SULT2B1: variants seen among roughly 807,000 people sequenced by gnomAD.
SULT2B1 encodes sulfotransferase 2B1.
Under a neutral mutation model 33.2 loss-of-function variants are expected in SULT2B1, and 16 were observed. That is an observed-to-expected ratio of 0.48 (90% CI 0.33 to 0.73). SULT2B1 has a LOEUF of 0.73. Among genes scored for constraint, SULT2B1 ranks in the 30% least tolerant of loss-of-function variants. SULT2B1 has a pLI of 0.02. For synonymous variants in SULT2B1, 186 were observed against 200.5 expected, an observed-to-expected ratio of 0.93 and a Z score of 0.61; for missense variants, 500 against 506.0, an observed-to-expected ratio of 0.99 and a Z score of 0.11.
In SULT2B1 at chr19:48,557,164, A is replaced by G. The variant is rs117785575; in HGVS notation, c.71+4841A>G. Among the ~76,000 whole-genome samples the G allele has an allele frequency of 4.0e-3, 612 of 152,316 alleles. 1 individual carries two copies. Among genetic ancestry groups the G allele is most frequent in the Non-Finnish European group, 7.0e-3 (477 of 68,032 alleles). ...GCAGCTCAAGGGACGGGTAGATGCC[A>G]CAGGAAGGGGCCCAGAGATATCAGC... On this transcript the variant is annotated intron_variant, in intron 1 of 6. Transcript: ENST00000201586.
At chr19:48,592,968 G>A (rs1184270452) in intron 5 of SULT2B1, 152 bp downstream of exon 5, 2 of 672,374 alleles carry the variant, frequency 3.0e-6, no homozygotes, top group Non-Finnish European at 2.5e-6. Context: ...CAGAGGCCCT[G>A]AGCCTGTGAG....
In SULT2B1 at chr19:48,591,739, G is replaced by A. The variant is rs375012952; in HGVS notation, c.550+4G>A. 6.3e-6 allele frequency: 10 copies of A among 1,584,590 alleles called. No homozygotes were observed. Among genetic ancestry groups the A allele is most frequent in the Non-Finnish European group, 7.7e-6 (9 of 1,164,878 alleles). ...AGGGACTTCCTCAAAGGCGAAGGTG[G>A]GGACAGGGTAAAGCGGGGCAGGAGG... On this transcript the variant is annotated splice_donor_region_variant and intron_variant, in intron 4 of 6. Coordinates refer to ENST00000201586, the MANE Select transcript of SULT2B1 (RefSeq NM_177973.2).
At chr19:48,583,257 G>C (rs1601104633) in intron 2 of SULT2B1, among the ~76,000 whole-genome samples, 2 of 152,104 alleles carry the variant, frequency 1.3e-5, no homozygotes, top group South Asian at 4.1e-4. Context: ...GAATGGTACA[G>C]CTGCTATGGA....
In SULT2B1 at chr19:48,587,226, C is replaced by T. The variant is rs893577303; in HGVS notation, c.215-3C>T. On this transcript the variant is annotated splice_polypyrimidine_tract_variant and splice_region_variant and intron_variant, in intron 2 of 6. Coordinates refer to ENST00000201586, the MANE Select transcript of SULT2B1 (RefSeq NM_177973.2). ...AATTAATCTGCTCGATTTCTCCCAACAGGCACGACCTGGATGATCGAGATC... is the reference window on the plus strand; with the variant it reads ...AATTAATCTGCTCGATTTCTCCCAATAGGCACGACCTGGATGATCGAGATC... 6.2e-6 allele frequency: 10 copies of T among 1,603,778 alleles called. No homozygotes were observed. Among genetic ancestry groups the T allele is most frequent in the Non-Finnish European group, 6.0e-6 (7 of 1,173,866 alleles).
chr19:48,585,048 C>CAAAAAAA (rs57540837), intron 2 of SULT2B1, among the ~76,000 whole-genome samples: 1 of 62,246 alleles, frequency 1.6e-5, no homozygotes, highest in Non-Finnish European at 2.7e-5. Context: ...GACTCCTTCT[C>CAAAAAAA]AAAAAAAAAA....
chr19:48,589,034 G>A (rs915467878), intron 3 of SULT2B1, among the ~76,000 whole-genome samples: 1 of 152,240 alleles, frequency 6.6e-6, no homozygotes, highest in Non-Finnish European at 1.5e-5. Flanking sequence ...AGCAGAGGAG[G>A]AGCCCGAGCG....
At chr19:48,591,189 T>A (rs1973638246) in intron 3 of SULT2B1, 1 of 153,460 alleles carries the variant, frequency 6.5e-6, no homozygotes, top group Non-Finnish European at 1.5e-5. Flanking sequence ...TCAAGCAATT[T>A]CCAGAACCTC....
intron 2 of SULT2B1, among the ~76,000 whole-genome samples, chr19:48,576,359 C>CTTTTTTTTTTTTTTTTT (rs1188887401): frequency 4.1e-5 from 4 of 96,714 alleles, no homozygotes; most frequent in Admixed American, 1.3e-4. Flanking sequence ...CTCTACTTCT[C>CTTTTTTTTTTTTTTTTT]TTTTTTTTTT....
intron 6 of SULT2B1, among the ~76,000 whole-genome samples, chr19:48,597,455 T>A (rs1215187745): frequency 4.0e-5 from 6 of 150,718 alleles, no homozygotes; most frequent in African/African-American, 1.5e-4. Context: ...GTGATTCTCC[T>A]TCCTCAGCAT....
At chr19:48,588,386 C>A (rs1040331512) in intron 3 of SULT2B1, among the ~76,000 whole-genome samples, 1 of 151,560 alleles carries the variant, frequency 6.6e-6, no homozygotes, top group Non-Finnish European at 1.5e-5. Context: ...GTGGCACATG[C>A]CTGTAATCCC....
intron 3 of SULT2B1, among the ~76,000 whole-genome samples, chr19:48,588,235 A>G (rs1973592749): frequency 6.7e-6 from 1 of 148,154 alleles, no homozygotes; most frequent in Admixed American, 6.7e-5. Flanking sequence ...AATTACAGCC[A>G]GGCGCAGTGG....
intron 5 of SULT2B1, 43 bp downstream of exon 5, chr19:48,592,859 C>A: frequency 6.7e-7 from 1 of 1,499,588 alleles, no homozygotes; most frequent in Non-Finnish European, 9.1e-7. Flanking sequence ...CCCCCATACC[C>A]TCTGCTCACA....
intron 1 of SULT2B1, among the ~76,000 whole-genome samples, chr19:48,562,269 T>A (rs547488179): frequency 6.6e-6 from 1 of 152,004 alleles, no homozygotes; most frequent in Admixed American, 6.6e-5. Flanking sequence ...ATGCCTGTAA[T>A]CCCAGCTACT....
intron 3 of SULT2B1, 134 bp from the exon 4 acceptor site, chr19:48,591,472 CAAA>C: frequency 1.1e-6 from 1 of 912,058 alleles, no homozygotes; most frequent in Non-Finnish European, 1.5e-6. Context: ...GACTCCATCG[CAAA>C]AAAAAAAGAG....
At chr19:48,581,099 C>T (rs7248627) in intron 2 of SULT2B1, among the ~76,000 whole-genome samples, 10,733 of 130,164 alleles carry the variant, frequency 0.082, 1,192 homozygotes, top group African/African-American at 0.26. Context: ...TGCAATGGCG[C>T]GATCTCAGCT....
chr19:48,552,282 G>C lies in SULT2B1; in HGVS notation c.30G>C (p.Pro10=). 6.2e-7 allele frequency: 1 copy of C among 1,613,962 alleles called. No individual in the cohort carries two copies. Among genetic ancestry groups the C allele is most frequent in the South Asian group, 1.1e-5 (1 of 91,068 alleles). The change falls in exon 1 of 7, where the codon CCG becomes CCC. Residue 10 remains proline (P), a synonymous_variant. Transcript: ENST00000201586. This position sits in a 1 kb window ranked among gnomAD's most constrained non-coding sequence, Gnocchi z 4.8. MDGPAEPQI[P]GLWDTYEDDI... is the part of the protein sequence containing the mutation. ...ACGGGCCCGCCGAGCCCCAGATCCC[G>C]GGCTTGTGGGACACCTATGAAGATG...
intron 1 of SULT2B1, among the ~76,000 whole-genome samples, chr19:48,564,634 A>G (rs976506227): frequency 1.3e-5 from 2 of 151,552 alleles, no homozygotes; most frequent in Non-Finnish European, 2.9e-5. Context: ...GAACACCCCT[A>G]TGCCCACCAC....
chr19:48,587,482 G>C lies in SULT2B1; in HGVS notation c.423+45G>C, dbSNP rs777499732. The C allele has an allele frequency of 7.5e-6, 12 of 1,599,718 alleles. No homozygotes were observed. The Middle Eastern group carries it at 5.0e-4, about 67-fold the overall frequency. On this transcript the variant is annotated intron_variant, in intron 3 of 6. Transcript: ENST00000201586. ...GTCAGTTGGGAGGGGCTGCATGGGT[G>C]TATGGGGTAATGGGGGGACGGAGCA...
At chr19:48,589,978 CTTTCTTT>C (rs1324032055) in intron 3 of SULT2B1, among the ~76,000 whole-genome samples, 5 of 150,578 alleles carry the variant, frequency 3.3e-5, no homozygotes, top group Non-Finnish European at 5.9e-5. Context: ...TTTTCTTTTT[CTTTCTTT>C]TTTCTTTTTT....
Sources: allele counts gnomAD v4.1 joint callset (sites outside exome capture counted in the v4.1 genomes callset), GRCh38; gene constraint gnomAD v4.1.1; non-coding constraint Gnocchi (gnomAD v3.1); transcripts MANE v1.5; gene names NCBI Gene and HGNC (gene_info 2026-07-23, HGNC 2026-07-21).